Variants in ELFN2 observed in about 807,000 individuals in gnomAD.
ELFN2 encodes extracellular leucine rich repeat and fibronectin type III domain containing 2.
In ELFN2, 17 loss-of-function variants were observed where a neutral mutation model predicts 45.5. The ratio of observed to expected loss-of-function variants is 0.37; its 90% CI spans 0.26 to 0.56. ELFN2 has a LOEUF of 0.56. Ranked by LOEUF, ELFN2 falls within the 20% of genes least tolerant of loss-of-function variation. The pLI, the probability that ELFN2 is intolerant of heterozygous loss-of-function variation, is 0.77. For synonymous variants in ELFN2, 550 were observed against 551.5 expected, an observed-to-expected ratio of 1.00 and a Z score of 0.04; for missense variants, 922 against 1,183.2, an observed-to-expected ratio of 0.78 and a Z score of 3.24.
rs752508786 is a variant in ELFN2, at chr22:37,374,941, G to A, written c.594C>T (p.Ala198=). ...TGACGTTGTTGAAGACCACCAGCCA[G>A]GCCAGGAAGCCGAAGAGGTCGCACT... The part of the protein sequence containing the change: ...NCECDLFGFL[A]WLVVFNNVTK... Residue 198 remains alanine (A), a synonymous_variant, in exon 3 of 3, where the codon GCC becomes GCT. Transcript: ENST00000402918. 3 of 1,612,998 alleles carry A rather than the reference G, an allele frequency of 1.9e-6. No homozygotes were observed. The highest frequency in any genetic ancestry group is 2.7e-5 in the African/African-American group (2 of 74,940).
chr22:37,409,274 C>G (rs550849027), intron 2 of ELFN2, among the ~76,000 whole-genome samples: 1 of 152,302 alleles, frequency 6.6e-6, no homozygotes, highest in South Asian at 2.1e-4. Context: ...ACTCAAGGAC[C>G]CTGGGAAGCT....
chr22:37,359,292 T>C (rs1931024087), intron 1 of ELFN2, among the ~76,000 whole-genome samples: 1 of 152,204 alleles, frequency 6.6e-6, no homozygotes, highest in South Asian at 2.1e-4. Flanking sequence ...TCGCTGTCAC[T>C]GACCCTCAGC....
intron 1 of ELFN2, among the ~76,000 whole-genome samples, chr22:37,360,663 C>T (rs192608925): frequency 3.3e-5 from 5 of 152,306 alleles, no homozygotes; most frequent in Admixed American, 6.5e-5. Context: ...AGTGGGGAGA[C>T]TTCCACTCTC....
At chr22:37,419,379 G>A (rs1259517188) in intron 1 of ELFN2, among the ~76,000 whole-genome samples, 1 of 151,920 alleles carries the variant, frequency 6.6e-6, no homozygotes, top group African/African-American at 2.4e-5. Context: ...AGCACACCCA[G>A]ACAGAATCCA....
At position 37,372,957 on chromosome 22, in the gene ELFN2, C is replaced by T. The variant is rs1017288249; in HGVS notation, c.*115G>A. 37 of 1,232,690 alleles carry T rather than the reference C, an allele frequency of 3.0e-5. 1 individual carries two copies. The highest frequency in any genetic ancestry group is 8.3e-5 in the Admixed American group (3 of 36,264). 76.4% of individuals were successfully genotyped at this position (1,232,690 alleles called of 1,614,324 possible). On this transcript the variant is annotated 3_prime_UTR_variant, in exon 3 of 3. Transcript: ENST00000402918. This position sits in a 1 kb window ranked among gnomAD's most constrained non-coding sequence, Gnocchi z 4.4. ...GTGCGTGCGTGCGGGTCTGCATGTG[C>T]GTCCTCTCCTGGGCCTTGGCCCCCG...
intron 2 of ELFN2, among the ~76,000 whole-genome samples, chr22:37,403,045 A>G (rs1044351699): frequency 6.6e-6 from 1 of 152,120 alleles, no homozygotes; most frequent in African/African-American, 2.4e-5. Context: ...GGCATCGAGC[A>G]GAAAAAGCCA....
chr22:37,375,842 T>TCCC lies in ELFN2; in HGVS notation c.-309_-308insGGG, dbSNP rs1931567383. ...TCAGGGCTTGACTTCCTCTCCCTCC[T>TCCC]CCTCCTCCTCCTCCTCCTCCTCCTC... is the stretch of plus-strand genomic sequence containing the variant. On this transcript the variant is annotated 5_prime_UTR_variant, in exon 3 of 3. Coordinates refer to ENST00000402918, the MANE Select transcript of ELFN2 (RefSeq NM_052906.5). The TCCC allele has an allele frequency of 7.8e-6, 3 of 385,116 alleles. No homozygotes were observed. Among genetic ancestry groups the TCCC allele is most frequent in the Non-Finnish European group, 9.5e-6 (2 of 210,254 alleles). 23.9% of individuals were successfully genotyped at this position (385,116 alleles called of 1,614,324 possible). A position where few individuals can be genotyped will look rare whatever the true frequency, so the allele number is the denominator to read the frequency against.
At chr22:37,405,500 T>A (rs1407462194) in intron 2 of ELFN2, among the ~76,000 whole-genome samples, 1 of 152,112 alleles carries the variant, frequency 6.6e-6, no homozygotes, top group Non-Finnish European at 1.5e-5. Flanking sequence ...ATGGGTCACC[T>A]GCCTGGGACA....
At chr22:37,408,755 G>T (rs1932573216) in intron 2 of ELFN2, among the ~76,000 whole-genome samples, 1 of 152,198 alleles carries the variant, frequency 6.6e-6, no homozygotes, top group African/African-American at 2.4e-5. Context: ...TCGCTGTGTG[G>T]CTGTGGGTAG....
chr22:37,385,852 G>A (rs1414436056), intron 2 of ELFN2, among the ~76,000 whole-genome samples: 1 of 152,192 alleles, frequency 6.6e-6, no homozygotes, highest in Admixed American at 6.5e-5. Flanking sequence ...AGGGAGGGAG[G>A]TCTCCAGTTA....
At position 37,372,933 on chromosome 22, in the gene ELFN2, T is replaced by C. The variant is rs1601744241; in HGVS notation, c.*139A>G. 1 of 871,270 alleles carries C rather than the reference T, an allele frequency of 1.1e-6. No individual in the cohort carries two copies. Among genetic ancestry groups the C allele is most frequent in the Admixed American group, 2.9e-5 (1 of 34,200 alleles). The allele number at this position is 871,270 out of a possible 1,614,324, so 54.0% of individuals were successfully genotyped here. On this transcript the variant is annotated 3_prime_UTR_variant, in exon 3 of 3. Transcript: ENST00000402918. The surrounding 1 kb of genome is among the most constrained non-coding windows in gnomAD (Gnocchi z 4.4). ...GGTGGTGGTCAGGTGTGTGTGTGCG[T>C]GCGTGCGTGCGGGTCTGCATGTGCG...
intron 1 of ELFN2, chr22:37,353,411 C>T (rs570107524): frequency 6.6e-6 from 1 of 151,216 alleles, no homozygotes; most frequent in East Asian, 1.9e-4. Context: ...CCCTTCTCAG[C>T]CTTGAGTCGC....
chr22:37,388,349 C>T (rs563857942), intron 2 of ELFN2, among the ~76,000 whole-genome samples: 2 of 152,240 alleles, frequency 1.3e-5, no homozygotes, highest in Non-Finnish European at 2.9e-5. Flanking sequence ...CCATCACAAC[C>T]GGAATCATAA....
chr22:37,408,944 C>T (rs1158742513), intron 2 of ELFN2, among the ~76,000 whole-genome samples: 2 of 152,152 alleles, frequency 1.3e-5, no homozygotes, highest in Non-Finnish European at 2.9e-5. Context: ...TGTGAATGGC[C>T]TGACACTTGG....
intron 1 of ELFN2, among the ~76,000 whole-genome samples, chr22:37,355,865 T>C (rs796643784): frequency 2.6e-5 from 4 of 152,326 alleles, no homozygotes; most frequent in African/African-American, 9.6e-5. Flanking sequence ...CTTCTACCTA[T>C]TTGCCAGCAA....
chr22:37,351,376 G>T (rs1023109424), intron 1 of ELFN2, among the ~76,000 whole-genome samples: 5 of 150,222 alleles, frequency 3.3e-5, no homozygotes, highest in African/African-American at 1.2e-4. Context: ...GGAAAATTGG[G>T]TGTCCAGAGC....
chr22:37,388,921 C>A (rs1932023055), intron 2 of ELFN2, among the ~76,000 whole-genome samples: 1 of 152,238 alleles, frequency 6.6e-6, no homozygotes, highest in African/African-American at 2.4e-5. Context: ...GGCAGGCACT[C>A]CCCGGGGCTT....
intron 2 of ELFN2, among the ~76,000 whole-genome samples, chr22:37,341,647 G>A (rs1940364085): frequency 6.6e-6 from 1 of 152,214 alleles, no homozygotes; most frequent in Non-Finnish European, 1.5e-5. Flanking sequence ...TCTCTTGGGT[G>A]CTATTTGGAG....
At chr22:37,400,622 C>A (rs1435176513) in intron 2 of ELFN2, among the ~76,000 whole-genome samples, 2 of 152,236 alleles carry the variant, frequency 1.3e-5, no homozygotes, top group Non-Finnish European at 2.9e-5. Flanking sequence ...GCCTCCCCAC[C>A]CACCCTCGGT....
Sources: gnomAD v4.1 joint callset for allele counts (sites outside exome capture counted in the v4.1 genomes callset) on GRCh38, gnomAD v4.1.1 for gene constraint, Gnocchi (gnomAD v3.1) non-coding constraint, MANE v1.5 for transcripts, NCBI Gene and HGNC (gene_info 2026-07-23, HGNC 2026-07-21) for gene names.